The following KLRG1 variants were observed in gnomAD, a reference collection of about 807,000 sequenced individuals.
The protein encoded by KLRG1 is killer cell lectin like receptor G1.
Under a neutral mutation model 21.8 loss-of-function variants are expected in KLRG1, and 16 were observed. The observed-to-expected ratio is 0.73, with a 90% CI of 0.50 to 1.11. KLRG1 has a LOEUF of 1.11. Among genes scored for constraint, KLRG1 ranks in the 50% most tolerant of loss-of-function variants. KLRG1 has a pLI of 0.00. For missense variants in KLRG1, 173 were observed against 218.3 expected (o/e 0.79, Z 1.31); for synonymous variants, 69 against 75.9 (o/e 0.91, Z 0.47).
the KLRG1 span, chr12:9,167,561 T>A: frequency 6.6e-6 from 1 of 152,226 alleles, no homozygotes; most frequent in South Asian, 2.1e-4. Flanking sequence ...CCACCCCTGC[T>A]GCTTTTCATT....
At chr12:9,074,758 AG>A in the KLRG1 span, 2 of 1,613,232 alleles carry the variant, frequency 1.2e-6, no homozygotes, top group Non-Finnish European at 1.7e-6. Context: ...TGGGTTTCTG[AG>A]GGCGCTCCCA....
chr12:9,138,755 C>G, the KLRG1 span, among the ~76,000 whole-genome samples: 1 of 151,876 alleles, frequency 6.6e-6, no homozygotes, highest in African/African-American at 2.4e-5. Flanking sequence ...CACAATTCTT[C>G]TAGGTTATTC....
At position 9,010,198 on chromosome 12, in the gene KLRG1, A is replaced by AG; in HGVS notation, c.*661_*662insG. 1 of 541,672 alleles carries AG rather than the reference A, an allele frequency of 1.8e-6. No individual in the cohort carries two copies. Among genetic ancestry groups the AG allele is most frequent in the South Asian group, 2.7e-5 (1 of 37,228 alleles). The allele number at this position is 541,672 out of a possible 1,614,324, so 33.6% of individuals were successfully genotyped here. A position where few individuals can be genotyped will look rare whatever the true frequency, so the allele number is the denominator to read the frequency against. ...AAGACTCCATCTCTAAAAAAAAAAA[A>AG]AAATGCTAATGTGAGAATATAAATT... is the stretch of plus-strand genomic sequence containing the variant. On this transcript the variant is annotated 3_prime_UTR_variant, in exon 5 of 5. Transcript: ENST00000356986.
At chr12:9,067,780 T>C in the KLRG1 span, 6 of 1,604,744 alleles carry the variant, frequency 3.7e-6, no homozygotes, top group Non-Finnish European at 5.1e-6. Context: ...TGTGGAGCTC[T>C]GAGAACAGGA....
At chr12:9,035,631 G>C in the KLRG1 span, among the ~76,000 whole-genome samples, 2,905 of 149,994 alleles carry the variant, frequency 0.019, 102 homozygotes, top group African/African-American at 0.067. Flanking sequence ...ATTCAACTCA[G>C]CAATCTCATC....
chr12:9,066,799 A>G, the KLRG1 span: 3 of 152,186 alleles, frequency 2.0e-5, no homozygotes, highest in African/African-American at 4.8e-5. Context: ...CTTAGTTTAT[A>G]CAATCCATAC....
chr12:9,152,768 G>A, the KLRG1 span: 1 of 1,567,410 alleles, frequency 6.4e-7, no homozygotes, highest in Non-Finnish European at 8.7e-7. Flanking sequence ...ATTAATTTCT[G>A]TTAATTCCAA....
the KLRG1 span, chr12:9,196,485 T>C: frequency 1.3e-6 from 2 of 1,574,404 alleles, no homozygotes; most frequent in Non-Finnish European, 1.7e-6. Flanking sequence ...ACTTTAGTCA[T>C]AAAATTTCTT....
At chr12:9,113,552 G>A in the KLRG1 span, 15 of 1,611,368 alleles carry the variant, frequency 9.3e-6, no homozygotes, top group Non-Finnish European at 1.3e-5. Context: ...GCCTGGGAAT[G>A]AGACGGTTCA....
the KLRG1 span, among the ~76,000 whole-genome samples, chr12:9,191,903 T>G: frequency 1.2e-3 from 180 of 152,300 alleles, no homozygotes; most frequent in Non-Finnish European, 2.2e-3. Flanking sequence ...TGGAGATAAA[T>G]AGAAGGCAGC....
intron 1 of KLRG1, among the ~76,000 whole-genome samples, chr12:8,979,439 T>TCTACTGATAGTCTTA (rs1946718554): frequency 6.6e-6 from 1 of 152,216 alleles, no homozygotes. Context: ...TGCTGAGAAA[T>TCTACTGATAGTCTTA]CTACTGATAG....
At chr12:9,112,886 C>A in the KLRG1 span, among the ~76,000 whole-genome samples, 13 of 152,230 alleles carry the variant, frequency 8.5e-5, no homozygotes, top group African/African-American at 2.6e-4. Flanking sequence ...TGGAAAAAAA[C>A]CCCGTATTTT....
the KLRG1 span, among the ~76,000 whole-genome samples, chr12:9,108,845 G>A: frequency 1.3e-5 from 2 of 152,350 alleles, no homozygotes; most frequent in Non-Finnish European, 2.9e-5. Flanking sequence ...TGAGATTTCA[G>A]TTGTATGCCT....
At chr12:9,152,788 G>T in the KLRG1 span, 1 of 1,591,880 alleles carries the variant, frequency 6.3e-7, no homozygotes, top group African/African-American at 1.3e-5. Flanking sequence ...AGTTGCTTTT[G>T]GGCCAAAGAT....
the KLRG1 span, among the ~76,000 whole-genome samples, chr12:9,152,585 A>G: frequency 2.6e-5 from 4 of 152,166 alleles, no homozygotes; most frequent in African/African-American, 9.7e-5. Flanking sequence ...CATTTTTAAC[A>G]TATCTATGGT....
At chr12:9,017,868 A>G in the KLRG1 span, among the ~76,000 whole-genome samples, 1 of 152,230 alleles carries the variant, frequency 6.6e-6, no homozygotes, top group East Asian at 1.9e-4. Context: ...GCAAAAACCT[A>G]AAGAGTTCAC....
chr12:9,049,216 C>G, the KLRG1 span, among the ~76,000 whole-genome samples: 1 of 152,068 alleles, frequency 6.6e-6, no homozygotes, highest in African/African-American at 2.4e-5. Context: ...GGTTGGGTTC[C>G]AGGCCCAGCT....
the KLRG1 span, chr12:9,101,214 A>G: frequency 6.4e-7 from 1 of 1,554,888 alleles, no homozygotes; most frequent in Non-Finnish European, 8.7e-7. Context: ...TTATCTGCAA[A>G]AAAGGAAATA....
the KLRG1 span, among the ~76,000 whole-genome samples, chr12:9,139,684 C>T: frequency 6.6e-6 from 1 of 151,920 alleles, no homozygotes; most frequent in African/African-American, 2.4e-5. Context: ...ATAAAATTTC[C>T]CTTTTGGTCT....
Sources: gnomAD v4.1 joint callset for allele counts (sites outside exome capture counted in the v4.1 genomes callset) on GRCh38, gnomAD v4.1.1 for gene constraint, MANE v1.5 for transcripts, NCBI Gene and HGNC (gene_info 2026-07-23, HGNC 2026-07-21) for gene names.